Variants in PAK1 observed in about 807,000 individuals in gnomAD.
PAK1 encodes the protein serine/threonine-protein kinase PAK 1.
In PAK1, 29 loss-of-function variants were observed where a neutral mutation model predicts 67.4. The ratio of observed to expected loss-of-function variants is 0.43; its 90% CI spans 0.32 to 0.59. The LOEUF (loss-of-function observed/expected upper bound fraction) is 0.59, where lower values mean the gene tolerates loss of function less well. PAK1 is among the 20% of genes least tolerant of loss of function. The pLI is 0.07. For synonymous variants in PAK1, 223 were observed against 237.4 expected, an observed-to-expected ratio of 0.94 and a Z score of 0.56; for missense variants, 337 against 670.7, an observed-to-expected ratio of 0.50 and a Z score of 5.50.
the PAK1 span, among the ~76,000 whole-genome samples, chr11:77,505,247 G>A: frequency 6.6e-6 from 1 of 151,820 alleles, no homozygotes; most frequent in African/African-American, 2.4e-5. Flanking sequence ...GAGCGCAGTG[G>A]TGCAATCTCA....
chr11:77,390,448 G>A (rs58184314), intron 2 of PAK1, among the ~76,000 whole-genome samples: 3,099 of 152,032 alleles, frequency 0.02, 102 homozygotes, highest in African/African-American at 0.07. Context: ...TGATCCACCC[G>A]CCTCAGCCTC....
At chr11:77,435,657 C>CT (rs35603502) in intron 1 of PAK1, among the ~76,000 whole-genome samples, 13,253 of 68,528 alleles carry the variant, frequency 0.19, 2,072 homozygotes, top group South Asian at 0.25. Context: ...CTACACCTGG[C>CT]TTTTTTTTTT....
chr11:77,492,541 C>CTTTT, the PAK1 span, among the ~76,000 whole-genome samples: 1 of 106,136 alleles, frequency 9.4e-6, no homozygotes. Flanking sequence ...TGAGGTGGGT[C>CTTTT]TTTTTTTTTT....
upstream of PAK1, among the ~76,000 whole-genome samples, chr11:77,478,069 T>C (rs951760784): frequency 3.9e-5 from 6 of 152,216 alleles, no homozygotes; most frequent in African/African-American, 1.4e-4. Context: ...TGCACTCACA[T>C]GCACACCAAC....
At chr11:77,353,685 G>T in intron 7 of PAK1, 86 bp from the exon 8 acceptor site, 1 of 1,051,984 alleles carries the variant, frequency 9.5e-7, no homozygotes, top group Non-Finnish European at 1.5e-6. Context: ...CCTGTAGCTG[G>T]CAAGGGTTAA....
At position 77,345,591 on chromosome 11, in the gene PAK1, A is replaced by G. The variant is rs1944301437; in HGVS notation, c.886-1660T>C. ...GAATGGACAGTCTCTTGCAGAGACC[A>G]GGTTAATCATTTAGAATAGAAGTAA... On this transcript the variant is annotated intron_variant, in intron 9 of 14. Transcript: ENST00000356341. 3.3e-5 allele frequency among the ~76,000 whole-genome samples: 5 copies of G among 152,186 alleles called. No homozygotes were observed. In the South Asian group the frequency reaches 1.0e-3, roughly 31 times the overall value.
the PAK1 span, among the ~76,000 whole-genome samples, chr11:77,512,704 T>C: frequency 2.6e-5 from 4 of 152,236 alleles, no homozygotes; most frequent in African/African-American, 9.6e-5. Flanking sequence ...GAGTACCTAT[T>C]ATGTGTCAGC....
At chr11:77,447,144 AATATAGG>A (rs1956649848) in intron 1 of PAK1, among the ~76,000 whole-genome samples, 1 of 152,230 alleles carries the variant, frequency 6.6e-6, no homozygotes, top group African/African-American at 2.4e-5. Context: ...AACTTAAAAG[AATATAGG>A]ATGAATCAGC....
At chr11:77,465,044 T>C (rs1223395505) in intron 1 of PAK1, among the ~76,000 whole-genome samples, 1 of 151,784 alleles carries the variant, frequency 6.6e-6, no homozygotes. Flanking sequence ...GTGTGAAGAA[T>C]ATACTCAGCA....
intron 2 of PAK1, among the ~76,000 whole-genome samples, chr11:77,380,680 T>C (rs1413267412): frequency 6.6e-6 from 1 of 152,156 alleles, no homozygotes; most frequent in Non-Finnish European, 1.5e-5. Flanking sequence ...ATATATGTAA[T>C]AGTAATTGAC....
intron 9 of PAK1, 103 bp from the exon 10 acceptor site, chr11:77,344,034 GA>G (rs1944035260): frequency 2.6e-6 from 2 of 771,420 alleles, no homozygotes; most frequent in Non-Finnish European, 4.6e-6. Flanking sequence ...AGATGAGTAA[GA>G]TACAGTCTTA....
At chr11:77,484,033 G>T in the PAK1 span, among the ~76,000 whole-genome samples, 1 of 152,178 alleles carries the variant, frequency 6.6e-6, no homozygotes, top group Admixed American at 6.5e-5. Context: ...ATTAGGAAAT[G>T]AAAAATAGAG....
intron 10 of PAK1, among the ~76,000 whole-genome samples, chr11:77,341,511 T>C (rs1231917260): frequency 2.0e-5 from 3 of 152,138 alleles, no homozygotes; most frequent in African/African-American, 7.2e-5. Flanking sequence ...CCCAGAGAGA[T>C]TATGGGCTGA....
At chr11:77,385,391 ATAAT>A (rs1262028129) in intron 2 of PAK1, among the ~76,000 whole-genome samples, 1 of 152,284 alleles carries the variant, frequency 6.6e-6, no homozygotes, top group Non-Finnish European at 1.5e-5. Flanking sequence ...TAGAAAGGAA[ATAAT>A]TAATAAATTT....
intron 1 of PAK1, among the ~76,000 whole-genome samples, chr11:77,449,435 T>A (rs1260042074): frequency 6.6e-6 from 1 of 152,114 alleles, no homozygotes; most frequent in Admixed American, 6.5e-5. Context: ...CAGTTCAACA[T>A]CTCACTGTAC....
At chr11:77,361,550 T>A (rs899254346) in intron 5 of PAK1, among the ~76,000 whole-genome samples, 3 of 151,820 alleles carry the variant, frequency 2.0e-5, no homozygotes, top group Admixed American at 1.3e-4. Context: ...AGTAGAACAG[T>A]GATGTAATCT....
the PAK1 span, among the ~76,000 whole-genome samples, chr11:77,490,184 C>A: frequency 6.6e-6 from 1 of 151,224 alleles, no homozygotes; most frequent in Non-Finnish European, 1.5e-5. Flanking sequence ...GGCAACCGCC[C>A]CATCTGAGAA....
chr11:77,416,495 T>C (rs767088668), intron 1 of PAK1, among the ~76,000 whole-genome samples: 9 of 152,178 alleles, frequency 5.9e-5, no homozygotes, highest in African/African-American at 1.7e-4. Context: ...TCTCTTATAA[T>C]AACAATGACT....
intron 1 of PAK1, among the ~76,000 whole-genome samples, chr11:77,467,031 C>A (rs943510024): frequency 1.3e-5 from 2 of 152,198 alleles, no homozygotes; most frequent in Non-Finnish European, 2.9e-5. Flanking sequence ...TCTGCTCTCA[C>A]GCCTCCCCAC....
Sources: allele counts gnomAD v4.1 joint callset (sites outside exome capture counted in the v4.1 genomes callset), GRCh38; gene constraint gnomAD v4.1.1; transcripts MANE v1.5; gene names NCBI Gene and HGNC (gene_info 2026-07-23, HGNC 2026-07-21).